SKIC3: variants seen among roughly 807,000 people sequenced by gnomAD.
SKIC3 encodes the protein superkiller complex protein 3.
chr5:95,496,753 G>A, the SKIC3 span, among the ~76,000 whole-genome samples: 1 of 152,114 alleles, frequency 6.6e-6, no homozygotes, highest in Non-Finnish European at 1.5e-5. Flanking sequence ...AAGACTCACA[G>A]ATGTCAAACA....
At chr5:95,530,147 T>A in the SKIC3 span, 1 of 1,613,704 alleles carries the variant, frequency 6.2e-7, no homozygotes, top group East Asian at 2.2e-5. Context: ...CTTTAATGCC[T>A]AAGCCAATGA....
At chr5:95,511,494 C>A in the SKIC3 span, among the ~76,000 whole-genome samples, 1 of 152,106 alleles carries the variant, frequency 6.6e-6, no homozygotes, top group East Asian at 1.9e-4. Flanking sequence ...GCAAACCCCC[C>A]CAAGTGCTGA....
chr5:95,521,837 ATC>A, the SKIC3 span, among the ~76,000 whole-genome samples: 111 of 152,278 alleles, frequency 7.3e-4, no homozygotes, highest in Middle Eastern at 3.4e-3. Context: ...TAAAAGTTAA[ATC>A]TCTGTCACAT....
the SKIC3 span, chr5:95,497,313 A>C: frequency 9.0e-7 from 1 of 1,106,596 alleles, no homozygotes. Flanking sequence ...TCTTCATTGT[A>C]CAAATTATCT....
chr5:95,553,735 T>C, the SKIC3 span, among the ~76,000 whole-genome samples: 24 of 152,258 alleles, frequency 1.6e-4, no homozygotes, highest in African/African-American at 5.8e-4. Flanking sequence ...TTTTGCGTAT[T>C]TTTCGTAGAG....
chr5:95,522,224 T>C, the SKIC3 span: 4 of 1,613,772 alleles, frequency 2.5e-6, no homozygotes, highest in African/African-American at 2.7e-5. Flanking sequence ...GGCTGTTGTG[T>C]AGCCTCCTCT....
chr5:95,539,453 T>C, the SKIC3 span, among the ~76,000 whole-genome samples: 1 of 152,134 alleles, frequency 6.6e-6, no homozygotes, highest in African/African-American at 2.4e-5. Context: ...AAAATAGATG[T>C]TGGTGTGGAT....
the SKIC3 span, among the ~76,000 whole-genome samples, chr5:95,501,503 T>C: frequency 1.3e-5 from 2 of 152,020 alleles, no homozygotes; most frequent in South Asian, 2.1e-4. Flanking sequence ...TTTCATAGAA[T>C]GAAAATCAAA....
chr5:95,480,876 C>T, the SKIC3 span, among the ~76,000 whole-genome samples: 1 of 152,044 alleles, frequency 6.6e-6, no homozygotes, highest in African/African-American at 2.4e-5. Flanking sequence ...CAAAAGAGTA[C>T]TACTCCATTG....
chr5:95,482,161 T>G, the SKIC3 span, among the ~76,000 whole-genome samples: 8 of 152,182 alleles, frequency 5.3e-5, no homozygotes, highest in Non-Finnish European at 1.0e-4. Flanking sequence ...TTAAACACCA[T>G]TATGATACCC....
the SKIC3 span, chr5:95,541,695 G>GA: frequency 0.09 from 46,591 of 518,288 alleles, 35 homozygotes; most frequent in East Asian, 0.12. Flanking sequence ...ACAAATGTTT[G>GA]AAAAAAAAAA....
At chr5:95,548,207 T>TG in the SKIC3 span, among the ~76,000 whole-genome samples, 2 of 151,982 alleles carry the variant, frequency 1.3e-5, no homozygotes, top group Non-Finnish European at 1.5e-5. Flanking sequence ...AAAACAAAGC[T>TG]GGGGTAAATA....
chr5:95,514,495 G>T, the SKIC3 span, among the ~76,000 whole-genome samples: 252 of 152,242 alleles, frequency 1.7e-3, no homozygotes, highest in African/African-American at 6.0e-3. Flanking sequence ...CTTTGTACAT[G>T]TGAGTTAAAC....
At chr5:95,514,883 G>A in the SKIC3 span, 2 of 1,612,292 alleles carry the variant, frequency 1.2e-6, no homozygotes. Context: ...TAAATAAGAT[G>A]GATCAAGGGA....
the SKIC3 span, chr5:95,484,766 T>TA: frequency 6.2e-7 from 1 of 1,614,228 alleles, no homozygotes; most frequent in Non-Finnish European, 8.5e-7. Flanking sequence ...TTCCTGTGTC[T>TA]ATTAGACCAG....
At chr5:95,480,085 A>G in the SKIC3 span, among the ~76,000 whole-genome samples, 1 of 152,266 alleles carries the variant, frequency 6.6e-6, no homozygotes, top group Non-Finnish European at 1.5e-5. Flanking sequence ...ATTCACAAAG[A>G]TTAATCCAGG....
chr5:95,498,388 A>G, the SKIC3 span: 1 of 1,614,180 alleles, frequency 6.2e-7, no homozygotes, highest in South Asian at 1.1e-5. Flanking sequence ...AGCTTTAGAT[A>G]TTTGTTTTTG....
the SKIC3 span, chr5:95,494,963 C>T: frequency 6.2e-7 from 1 of 1,613,704 alleles, no homozygotes; most frequent in Non-Finnish European, 8.5e-7. Context: ...GACAAACTAA[C>T]CTTTCCATGA....
chr5:95,474,162 G>A, the SKIC3 span, among the ~76,000 whole-genome samples: 1 of 152,140 alleles, frequency 6.6e-6, no homozygotes, highest in Non-Finnish European at 1.5e-5. Flanking sequence ...TATTGAATAG[G>A]GGAGTCCTTT....
Sources: allele counts gnomAD v4.1 joint callset (sites outside exome capture counted in the v4.1 genomes callset), GRCh38; gene constraint gnomAD v4.1.1; transcripts MANE v1.5; gene names NCBI Gene and HGNC (gene_info 2026-07-23, HGNC 2026-07-21).